The following KIF4A variants were observed in gnomAD, a reference collection of about 807,000 sequenced individuals.
KIF4A encodes the protein chromosome-associated kinesin KIF4A.
A neutral mutation model predicts 105.9 loss-of-function variants in KIF4A; 7 were observed. That is an observed-to-expected ratio of 0.07 (90% CI 0.04 to 0.12). KIF4A has a LOEUF of 0.12. Among genes scored for constraint, KIF4A ranks in the 10% least tolerant of loss-of-function variants. The probability of loss-of-function intolerance (pLI) is 1.00; values close to 1 mark genes in which losing one functional copy is unlikely to be tolerated. For synonymous variants in KIF4A, 281 were observed against 331.3 expected (o/e 0.85, Z 1.65); for missense variants, 558 against 929.2 (o/e 0.60, Z 5.19).
At chrX:70,340,260 T>G (rs1432477411) in intron 10 of KIF4A, among the ~76,000 whole-genome samples, 2 of 112,101 alleles carry the variant, frequency 1.8e-5, no homozygotes, top group African/African-American at 3.2e-5. Flanking sequence ...TGTAAAGTAT[T>G]TAGAATAGAG....
At chrX:70,359,437 T>TCTC (rs1569241269) in intron 15 of KIF4A, among the ~76,000 whole-genome samples, 37 of 104,533 alleles carry the variant, frequency 3.5e-4, no homozygotes, top group African/African-American at 1.3e-3. Context: ...CTTTCTTTCT[T>TCTC]TCTCTCTCTC....
At chrX:70,305,110 A>G (rs997541633) in intron 7 of KIF4A, among the ~76,000 whole-genome samples, 1 of 111,629 alleles carries the variant, frequency 9.0e-6, no homozygotes, top group African/African-American at 3.3e-5. Flanking sequence ...TCTTGGGTAT[A>G]TACCTAGGAA....
chrX:70,352,251 GA>G (rs1275367293), intron 13 of KIF4A, among the ~76,000 whole-genome samples: 1 of 112,234 alleles, frequency 8.9e-6, no homozygotes, highest in East Asian at 2.8e-4. Context: ...TGCATAAAAA[GA>G]AAGGGTAGAG....
At chrX:70,304,573 T>C (rs2085818648) in intron 7 of KIF4A, among the ~76,000 whole-genome samples, 1 of 110,172 alleles carries the variant, frequency 9.1e-6, no homozygotes, top group Non-Finnish European at 1.9e-5. Flanking sequence ...TCATACAATA[T>C]ATTGTCTTTT....
At chrX:70,362,033 T>C (rs751819032) in intron 15 of KIF4A, 1 of 161,604 alleles carries the variant, frequency 6.2e-6, no homozygotes, top group East Asian at 2.0e-4. Flanking sequence ...GGCCATGTTT[T>C]GTAAAATAGT....
intron 10 of KIF4A, among the ~76,000 whole-genome samples, chrX:70,335,873 C>T (rs769285822): frequency 9.0e-6 from 1 of 111,647 alleles, no homozygotes; most frequent in East Asian, 2.8e-4. Context: ...AAAGGATATA[C>T]TCAGTGAGGT....
intron 7 of KIF4A, among the ~76,000 whole-genome samples, chrX:70,323,070 T>C (rs1489662958): frequency 9.0e-6 from 1 of 110,870 alleles, no homozygotes; most frequent in Non-Finnish European, 1.9e-5. Flanking sequence ...TGCAATCTGC[T>C]TAGCCATACT....
intron 3 of KIF4A, among the ~76,000 whole-genome samples, chrX:70,291,494 T>C (rs1235850226): frequency 1.8e-5 from 2 of 111,080 alleles, no homozygotes; most frequent in African/African-American, 6.5e-5. Flanking sequence ...CTGAATACTA[T>C]CACCAGTTAA....
intron 22 of KIF4A, among the ~76,000 whole-genome samples, chrX:70,401,245 A>G (rs1011867356): frequency 3.4e-4 from 36 of 104,692 alleles, no homozygotes; most frequent in Non-Finnish European, 2.7e-4. Flanking sequence ...ACCCCTAACT[A>G]ATTTTTGTAT....
At chrX:70,418,721 A>G (rs2086354031) in intron 29 of KIF4A, among the ~76,000 whole-genome samples, 1 of 112,184 alleles carries the variant, frequency 8.9e-6, no homozygotes, top group African/African-American at 3.2e-5. Flanking sequence ...AGCAAGCACA[A>G]TCTAATGATG....
At chrX:70,300,641 C>A (rs144405332) in intron 5 of KIF4A, among the ~76,000 whole-genome samples, 1 of 111,481 alleles carries the variant, frequency 9.0e-6, no homozygotes, top group African/African-American at 3.3e-5. Context: ...ATTATGAAGC[C>A]GGGCTAAAGA....
At chrX:70,373,990 T>C (rs1312348564) in intron 15 of KIF4A, among the ~76,000 whole-genome samples, 161 bp from the exon 16 acceptor site, 2 of 106,615 alleles carry the variant, frequency 1.9e-5, no homozygotes, top group African/African-American at 6.8e-5. Context: ...CATTTCCTAC[T>C]ACATAATTTT....
intron 28 of KIF4A, among the ~76,000 whole-genome samples, chrX:70,414,966 G>A (rs745390106): frequency 8.9e-6 from 1 of 111,978 alleles, no homozygotes; most frequent in Admixed American, 9.5e-5. Flanking sequence ...TTATAGCATT[G>A]CTTCCTATAA....
At chrX:70,303,777 CAG>C (rs745335201) in intron 7 of KIF4A, among the ~76,000 whole-genome samples, 1 of 110,522 alleles carries the variant, frequency 9.0e-6, no homozygotes, top group African/African-American at 3.3e-5. Flanking sequence ...AGTATATTCA[CAG>C]AGTTGTACAA....
intron 3 of KIF4A, among the ~76,000 whole-genome samples, chrX:70,292,708 T>G (rs764976148): frequency 8.0e-5 from 9 of 112,147 alleles, no homozygotes; most frequent in Non-Finnish European, 1.3e-4. Flanking sequence ...CGCCTTTCCT[T>G]TAGCCATTCC....
rs187705873 is a variant in KIF4A, at chrX:70,410,904, C to T, written c.3255+3829C>T. On this transcript the variant is annotated intron_variant, in intron 28 of 30. Transcript: ENST00000374403. Reference sequence around the variant, plus strand: ...TAAGGTTCCTTCTAGGACTAATATCCTGAGTCAAAGTAACAGTCAAAGTTG... The same window carrying T: ...TAAGGTTCCTTCTAGGACTAATATCTTGAGTCAAAGTAACAGTCAAAGTTG... Among the ~76,000 whole-genome samples the T allele has an allele frequency of 8.0e-5, 9 of 112,096 alleles. No individual in the cohort carries two copies. The East Asian group carries it at 2.2e-3, about 28-fold the overall frequency.
chrX:70,377,889 G>GTGCCAC (rs1458053149), intron 18 of KIF4A, among the ~76,000 whole-genome samples: 3 of 112,456 alleles, frequency 2.7e-5, no homozygotes, highest in Admixed American at 9.4e-5. Flanking sequence ...AGCTGAGATC[G>GTGCCAC]TGCCACTGCA....
At chrX:70,327,903 C>T (rs1435655092) in intron 7 of KIF4A, among the ~76,000 whole-genome samples, 1 of 111,290 alleles carries the variant, frequency 9.0e-6, no homozygotes, top group African/African-American at 3.3e-5. Flanking sequence ...CTTAGGAAAA[C>T]GTAATTGAAA....
intron 24 of KIF4A, 92 bp from the exon 25 acceptor site, chrX:70,404,623 G>A (rs184798341): frequency 1.9e-6 from 1 of 523,892 alleles, no homozygotes; most frequent in African/African-American, 2.3e-5. Flanking sequence ...TCACAAGAGA[G>A]CAGTCACCTG....
Sources: allele counts gnomAD v4.1 joint callset (sites outside exome capture counted in the v4.1 genomes callset), GRCh38; gene constraint gnomAD v4.1.1; transcripts MANE v1.5; gene names NCBI Gene and HGNC (gene_info 2026-07-23, HGNC 2026-07-21).